The following PCDHA3 variants were observed in gnomAD, a reference collection of about 807,000 sequenced individuals.
The protein encoded by PCDHA3 is protocadherin alpha 3.
Under a neutral mutation model 62.2 loss-of-function variants are expected in PCDHA3, and 41 were observed. The observed-to-expected ratio is 0.66, with a 90% confidence interval of 0.51 to 0.86. The LOEUF (loss-of-function observed/expected upper bound fraction) is 0.86. PCDHA3 is among the 40% of genes least tolerant of loss of function. PCDHA3 has a pLI of 0.00. For missense variants in PCDHA3, 1,304 were observed against 1,241.2 expected (o/e 1.05, Z -0.76); for synonymous variants, 640 against 555.4 (o/e 1.15, Z -2.14).
chr5:140,974,302 C>G (rs782329639), intron 1 of PCDHA3, among the ~76,000 whole-genome samples: 1 of 152,176 alleles, frequency 6.6e-6, no homozygotes, highest in Non-Finnish European at 1.5e-5. Flanking sequence ...GGAGGTACAA[C>G]TGTGAGTGAG....
intron 1 of PCDHA3, chr5:140,967,282 G>A (rs1463734502): frequency 1.1e-5 from 17 of 1,612,960 alleles, no homozygotes; most frequent in Non-Finnish European, 1.4e-5. Context: ...TAGAGAGTGC[G>A]CAGGACCCCG....
intron 1 of PCDHA3, chr5:140,843,199 G>C (rs2150355178): frequency 6.3e-7 from 1 of 1,596,082 alleles, no homozygotes; most frequent in South Asian, 1.1e-5. Flanking sequence ...GCGTGGGGCT[G>C]TACACGGGCG....
At chr5:140,911,384 C>T (rs2075446155) in intron 1 of PCDHA3, among the ~76,000 whole-genome samples, 1 of 152,134 alleles carries the variant, frequency 6.6e-6, no homozygotes, top group Non-Finnish European at 1.5e-5. Flanking sequence ...TGTGCATGCA[C>T]CTTTCATTGC....
At chr5:140,981,458 C>T (rs1465511355) in intron 2 of PCDHA3, among the ~76,000 whole-genome samples, 5 of 152,134 alleles carry the variant, frequency 3.3e-5, no homozygotes, top group African/African-American at 4.8e-5. Flanking sequence ...CCTGTAGTCC[C>T]AGCTACTTGG....
chr5:140,835,312 T>C (rs1231514628), intron 1 of PCDHA3: 1 of 1,613,246 alleles, frequency 6.2e-7, no homozygotes, highest in Non-Finnish European at 8.5e-7. Context: ...CATATGGATT[T>C]TGAAGAAAGT....
chr5:140,929,557 A>G (rs782792383), intron 1 of PCDHA3: 64 of 478,142 alleles, frequency 1.3e-4, no homozygotes, highest in Non-Finnish European at 1.9e-4. Flanking sequence ...ATTAAAACCT[A>G]TTTAAGAACA....
chr5:140,897,762 A>C (rs572488219), intron 1 of PCDHA3, among the ~76,000 whole-genome samples: 15 of 152,204 alleles, frequency 9.9e-5, no homozygotes, highest in African/African-American at 2.7e-4. Context: ...AGGAATCGCC[A>C]CACTGACTTC....
At chr5:140,821,816 T>A in intron 1 of PCDHA3, 1 of 1,613,984 alleles carries the variant, frequency 6.2e-7, no homozygotes, top group Non-Finnish European at 8.5e-7. Context: ...TCCCGGCTCC[T>A]GCTGCTCTGG....
intron 1 of PCDHA3, chr5:140,849,776 G>T: frequency 6.3e-7 from 1 of 1,598,464 alleles, no homozygotes; most frequent in Non-Finnish European, 8.6e-7. Flanking sequence ...TGGTTACCGC[G>T]CGGGACGGGG....
At chr5:140,923,826 T>A (rs2081533545) in intron 1 of PCDHA3, among the ~76,000 whole-genome samples, 1 of 152,218 alleles carries the variant, frequency 6.6e-6, no homozygotes, top group East Asian at 1.9e-4. Context: ...TAGACGTCAG[T>A]GGCAGTTTAA....
In PCDHA3 at chr5:140,803,428, C is replaced by G. The variant is rs781912218; in HGVS notation, c.2231C>G (p.Ala744Gly). ...AAGCCCACGCTGGTGTGCTCCAGCG[C>G]GGTGGGGAGCTGGTCATACTCGCAG... is the stretch of plus-strand genomic sequence containing the variant. ...PGKPTLVCSS[A>G]VGSWSYSQQR... Residue 744 changes from alanine (A) to glycine (G), a missense_variant, in exon 1 of 4, where the codon GCG becomes GGG. Physicochemically the swap from Ala to Gly is moderately conservative, Grantham distance 60. Transcript: ENST00000522353. The G allele has an allele frequency of 6.2e-7, 1 of 1,614,170 alleles. No individual in the cohort carries two copies. Among genetic ancestry groups the G allele is most frequent in the East Asian group, 2.2e-5 (1 of 44,874 alleles).
chr5:140,972,290 C>T (rs1331683497), intron 1 of PCDHA3, among the ~76,000 whole-genome samples: 1 of 151,820 alleles, frequency 6.6e-6, no homozygotes, highest in African/African-American at 2.4e-5. Flanking sequence ...TAGATGTGCG[C>T]CACCGTGTCT....
intron 1 of PCDHA3, among the ~76,000 whole-genome samples, chr5:140,900,607 C>T (rs1340239730): frequency 6.6e-6 from 1 of 152,170 alleles, no homozygotes; most frequent in Non-Finnish European, 1.5e-5. Context: ...TGATGATGGA[C>T]ATGTAGATTG....
At chr5:140,922,476 G>C (rs1473614127) in intron 1 of PCDHA3, among the ~76,000 whole-genome samples, 2 of 152,184 alleles carry the variant, frequency 1.3e-5, no homozygotes, top group African/African-American at 4.8e-5. Context: ...AGGAGAGAAG[G>C]CAGGACTAAA....
chr5:140,936,113 G>T (rs1316824905), intron 1 of PCDHA3, among the ~76,000 whole-genome samples: 1 of 151,964 alleles, frequency 6.6e-6, no homozygotes, highest in African/African-American at 2.4e-5. Flanking sequence ...GGCTGGTCTC[G>T]AACTCCTGAC....
At chr5:140,983,822 T>C (rs1453990514) in intron 3 of PCDHA3, among the ~76,000 whole-genome samples, 2 of 152,216 alleles carry the variant, frequency 1.3e-5, no homozygotes, top group Non-Finnish European at 2.9e-5. Flanking sequence ...TTCCCAAAAA[T>C]AATCAGATGC....
At chr5:140,844,093 C>A (rs2150368688) in intron 1 of PCDHA3, among the ~76,000 whole-genome samples, 1 of 149,604 alleles carries the variant, frequency 6.7e-6, no homozygotes, top group African/African-American at 2.4e-5. Context: ...AACTCTTAAT[C>A]TTACTCCATA....
At chr5:140,870,346 G>A in intron 1 of PCDHA3, 5 of 1,614,236 alleles carry the variant, frequency 3.1e-6, no homozygotes, top group Non-Finnish European at 4.2e-6. Context: ...CCTGGACCGC[G>A]AGAACGTGTG....
chr5:141,010,158 G>A lies in PCDHA3; in HGVS notation c.*221G>A. 6.4e-7 allele frequency: 1 copy of A among 1,570,690 alleles called. No homozygotes were observed. Among genetic ancestry groups the A allele is most frequent in the Non-Finnish European group, 8.6e-7 (1 of 1,156,884 alleles). On this transcript the variant is annotated 3_prime_UTR_variant, in exon 4 of 4. Coordinates refer to ENST00000522353, the MANE Select transcript of PCDHA3 (RefSeq NM_018906.3). Reference sequence around the variant, plus strand: ...TAACTCTTTCTCTCCACTCTGGCTTGTTTTCAGAACCTAAAAAGCAGACCC... The same window carrying A: ...TAACTCTTTCTCTCCACTCTGGCTTATTTTCAGAACCTAAAAAGCAGACCC...
Sources: allele counts gnomAD v4.1 joint callset (sites outside exome capture counted in the v4.1 genomes callset), GRCh38; gene constraint gnomAD v4.1.1; transcripts MANE v1.5; gene names NCBI Gene and HGNC (gene_info 2026-07-23, HGNC 2026-07-21).